Variants in CASK observed in about 807,000 individuals in gnomAD.
CASK encodes the protein peripheral plasma membrane protein CASK.
Under a neutral mutation model 82.9 loss-of-function variants are expected in CASK, and 4 were observed. The observed-to-expected ratio is 0.05, with a 90% confidence interval of 0.02 to 0.11. The LOEUF (loss-of-function observed/expected upper bound fraction) is 0.11, where lower values mean the gene tolerates loss of function less well. CASK is among the 10% of genes least tolerant of loss of function. The pLI, the probability that CASK is intolerant of heterozygous loss-of-function variation, is 1.00. For synonymous variants in CASK, 259 were observed against 253.5 expected (o/e 1.02, Z -0.20); for missense variants, 358 against 720.9 (o/e 0.50, Z 5.76).
chrX:41,560,271 T>C (rs2065210024), intron 17 of CASK, among the ~76,000 whole-genome samples: 1 of 111,199 alleles, frequency 9.0e-6, no homozygotes, highest in African/African-American at 3.3e-5. Context: ...TTTTTATTTA[T>C]TTATTTTTTT....
At chrX:41,521,949 T>C (rs1047072432) in intron 26 of CASK, among the ~76,000 whole-genome samples, 1 of 112,158 alleles carries the variant, frequency 8.9e-6, no homozygotes, top group African/African-American at 3.2e-5. Flanking sequence ...CCAGTCATTA[T>C]AGGGTTTTAC....
intron 7 of CASK, among the ~76,000 whole-genome samples, chrX:41,663,906 G>T (rs1225843563): frequency 9.0e-6 from 1 of 111,726 alleles, no homozygotes; most frequent in Non-Finnish European, 1.9e-5. Context: ...TAGTATCTGT[G>T]ATTTCACTTG....
At chrX:41,580,691 C>T (rs1249610702) in intron 14 of CASK, among the ~76,000 whole-genome samples, 2 of 111,119 alleles carry the variant, frequency 1.8e-5, no homozygotes, top group Non-Finnish European at 3.8e-5. Flanking sequence ...CATATCCAAA[C>T]AGAAAAAGGG....
intron 16 of CASK, among the ~76,000 whole-genome samples, chrX:41,563,843 C>G (rs2065269253): frequency 8.9e-6 from 1 of 111,800 alleles, no homozygotes; most frequent in Non-Finnish European, 1.9e-5. Flanking sequence ...TGATACTTTA[C>G]AGGCAAGTCC....
chrX:41,911,495 T>C (rs1012194998), intron 1 of CASK, among the ~76,000 whole-genome samples: 7 of 112,302 alleles, frequency 6.2e-5, no homozygotes, highest in Non-Finnish European at 1.1e-4. Context: ...TGCCCAGTAG[T>C]GTCAGAGACT....
chrX:41,659,997 TAAAAA>T (rs756132427), intron 8 of CASK: 3 of 99,371 alleles, frequency 3.0e-5, no homozygotes, highest in Admixed American at 1.1e-4. Context: ...AGACCTTGTC[TAAAAA>T]AAAAAAAAAA....
chrX:41,713,617 C>T (rs866448948), intron 5 of CASK, among the ~76,000 whole-genome samples: 3 of 111,763 alleles, frequency 2.7e-5, no homozygotes, highest in African/African-American at 9.8e-5. Context: ...AAAACATGAG[C>T]GTAATTAACA....
intron 5 of CASK, among the ~76,000 whole-genome samples, chrX:41,685,310 A>G (rs942306618): frequency 2.7e-5 from 3 of 110,660 alleles, no homozygotes; most frequent in Non-Finnish European, 5.7e-5. Flanking sequence ...CTCTTCCCCC[A>G]CTCCCAATCT....
chrX:41,716,610 C>G (rs1375758581), intron 5 of CASK, among the ~76,000 whole-genome samples: 1 of 111,950 alleles, frequency 8.9e-6, no homozygotes, highest in African/African-American at 3.3e-5. Flanking sequence ...GGTCCTAGGA[C>G]CAGGGCTGCA....
chrX:41,905,971 G>A (rs1260668721), intron 1 of CASK, among the ~76,000 whole-genome samples: 3 of 111,863 alleles, frequency 2.7e-5, no homozygotes, highest in African/African-American at 9.7e-5. Flanking sequence ...TCTCAACTAG[G>A]GAAACCAGGT....
In CASK at chrX:41,621,592, CTTG is replaced by C. The variant is rs2066289327; in HGVS notation, c.1033+1022_1033+1024del. ...ACTGGACCACAATCTCATGAGAGAT[CTTG>C]AGCCAGAGGCACACAGCTAAGCCAC... On this transcript the variant is annotated intron_variant, in intron 11 of 26. Transcript: ENST00000378163. Among the ~76,000 whole-genome samples, 3 of 111,810 alleles carry C rather than the reference CTTG, an allele frequency of 2.7e-5. No homozygotes were observed. The East Asian group carries it at 8.4e-4, about 31-fold the overall frequency.
chrX:41,569,823 C>A, intron 15 of CASK, 77 bp from the exon 16 acceptor site: 13 of 599,016 alleles, frequency 2.2e-5, no homozygotes, highest in East Asian at 3.6e-5. Flanking sequence ...TGTGATTTTG[C>A]GGTAGATAAT....
chrX:41,834,742 G>A (rs1447841664), intron 2 of CASK, among the ~76,000 whole-genome samples: 3 of 111,964 alleles, frequency 2.7e-5, no homozygotes, highest in Non-Finnish European at 5.6e-5. Flanking sequence ...TGCTAAGTTA[G>A]AATTTATTAT....
In CASK at chrX:41,829,696, GATATATATATATATATATATATATATAT is replaced by G. The variant is rs55730177; in HGVS notation, c.172+23391_172+23418del. On this transcript the variant is annotated intron_variant, in intron 2 of 26. Transcript: ENST00000378163. ...CAGGGATGCAAATGCTAGGTCACAA[GATATATATATATATATATATATATATAT>G]ATATATATATATATATATATATATA... Among the ~76,000 whole-genome samples, 48 of 16,265 alleles carry G rather than the reference GATATATATATATATATATATATATATAT, an allele frequency of 3.0e-3. 2 individuals carry two copies. Among genetic ancestry groups the G allele is most frequent in the East Asian group, 0.016 (2 of 124 alleles). The allele number at this position is 16,265 out of a possible 115,157, so 14.1% of individuals were successfully genotyped here.
intron 2 of CASK, among the ~76,000 whole-genome samples, chrX:41,809,404 G>A (rs780953604): frequency 1.4e-4 from 16 of 112,123 alleles, no homozygotes; most frequent in African/African-American, 3.9e-4. Context: ...CCAGAGGAAC[G>A]ATCAGGCAGC....
In CASK at chrX:41,676,289, G is replaced by A. The variant is rs750532079; in HGVS notation, c.430-4759C>T. On this transcript the variant is annotated intron_variant, in intron 5 of 26. Coordinates refer to ENST00000378163, the MANE Select transcript of CASK (RefSeq NM_001367721.1). ...CTGCTGTTTTTTCTCAGCACCTTCC[G>A]TCTTTTGTTCAATACTTGAGACGAC... 25 of 1,193,398 alleles carry A rather than the reference G, an allele frequency of 2.1e-5. No homozygotes were observed. The East Asian group carries it at 2.7e-4, about 13-fold the overall frequency.
At chrX:41,782,580 C>T (rs1373405624) in intron 3 of CASK, among the ~76,000 whole-genome samples, 1 of 112,085 alleles carries the variant, frequency 8.9e-6, no homozygotes, top group African/African-American at 3.2e-5. Flanking sequence ...AAGTCACATA[C>T]AGTTTCTCAT....
intron 2 of CASK, among the ~76,000 whole-genome samples, chrX:41,796,459 C>G (rs1346324907): frequency 8.9e-6 from 1 of 112,187 alleles, no homozygotes; most frequent in Admixed American, 9.4e-5. Flanking sequence ...TATTAGTAAA[C>G]CACACTGCTA....
chrX:41,730,103 G>A (rs1005752869), intron 5 of CASK: 1 of 121,431 alleles, frequency 8.2e-6, no homozygotes, highest in Non-Finnish European at 1.9e-5. Context: ...AACAAAAACA[G>A]CTGAATAAAA....
Sources: allele counts gnomAD v4.1 joint callset (sites outside exome capture counted in the v4.1 genomes callset), GRCh38; gene constraint gnomAD v4.1.1; transcripts MANE v1.5; gene names NCBI Gene and HGNC (gene_info 2026-07-23, HGNC 2026-07-21).